BACH2: variants seen among roughly 807,000 people sequenced by gnomAD.
BACH2 encodes the protein transcription regulator protein BACH2.
In BACH2, 5 loss-of-function variants were observed where a neutral mutation model predicts 61.8. The observed-to-expected ratio is 0.08, with a 90% confidence interval of 0.04 to 0.17. The LOEUF is 0.17. Ranked by LOEUF, BACH2 falls within the 10% of genes least tolerant of loss-of-function variation. The pLI is 1.00. For missense variants in BACH2, 824 were observed against 1,091.1 expected (o/e 0.76, Z 3.45); for synonymous variants, 446 against 440.1 (o/e 1.01, Z -0.17).
intron 5 of BACH2, among the ~76,000 whole-genome samples, chr6:90,056,032 G>C (rs575977938): frequency 1.3e-5 from 2 of 152,282 alleles, no homozygotes; most frequent in East Asian, 3.9e-4. Context: ...AAATTGTAAA[G>C]ACCATCAAGG....
chr6:89,991,458 C>T (rs1302929691), intron 6 of BACH2, among the ~76,000 whole-genome samples: 1 of 152,132 alleles, frequency 6.6e-6, no homozygotes. Flanking sequence ...CAGTCCTGTT[C>T]ACGTAAGCGT....
In BACH2 at chr6:90,118,067, A is replaced by G. The variant is rs148592747; in HGVS notation, c.-161-28958T>C. Among the ~76,000 whole-genome samples the G allele has an allele frequency of 3.5e-3, 532 of 152,288 alleles. 1 individual carries two copies. The highest frequency in any genetic ancestry group is 0.012 in the African/African-American group (504 of 41,558). On this transcript the variant is annotated intron_variant, in intron 4 of 8. Transcript: ENST00000257749. The stretch of plus-strand genomic sequence containing the variant: ...ATAGTTTCATTTATGTGGCTATGTT[A>G]AAGACACTTAAGTCTAATAGAGAAT...
chr6:90,179,890 T>C (rs1302394495), intron 4 of BACH2, among the ~76,000 whole-genome samples: 2 of 152,104 alleles, frequency 1.3e-5, no homozygotes, highest in Non-Finnish European at 2.9e-5. Flanking sequence ...GTGTGGACAA[T>C]GGCCAAAAAA....
intron 5 of BACH2, among the ~76,000 whole-genome samples, chr6:90,038,761 G>C (rs953816471): frequency 2.0e-5 from 3 of 151,902 alleles, no homozygotes; most frequent in African/African-American, 7.3e-5. Flanking sequence ...CATATGGCCC[G>C]GGCATGGTGG....
intron 5 of BACH2, among the ~76,000 whole-genome samples, chr6:90,079,291 C>G (rs899442382): frequency 2.0e-5 from 3 of 152,176 alleles, no homozygotes; most frequent in African/African-American, 7.2e-5. Flanking sequence ...CTCCTCCAAC[C>G]AAACACACAA....
At chr6:90,099,031 CT>C (rs1554245507) in intron 4 of BACH2, among the ~76,000 whole-genome samples, 3 of 152,250 alleles carry the variant, frequency 2.0e-5, no homozygotes, top group Non-Finnish European at 4.4e-5. Flanking sequence ...CCTTGTGGAA[CT>C]TTTGTTTTAA....
intron 2 of BACH2, among the ~76,000 whole-genome samples, chr6:90,261,824 C>G (rs1771169245): frequency 6.6e-6 from 1 of 152,006 alleles, no homozygotes; most frequent in Non-Finnish European, 1.5e-5. Flanking sequence ...ATGTAGTCAC[C>G]CATGTAGTCT....
Position 90,235,483 on chromosome 6 carries a change from T to A in BACH2, c.-275+17030A>T, listed in dbSNP as rs1770229510. Among the ~76,000 whole-genome samples the A allele has an allele frequency of 2.0e-5, 3 of 152,160 alleles. No individual in the cohort carries two copies. In the South Asian group the frequency reaches 6.2e-4, roughly 32 times the overall value. On this transcript the variant is annotated intron_variant, in intron 3 of 8. Transcript: ENST00000257749. ...ACAAAGGTAGAACTGTTTTGATTAC[T>A]GTTAAGGATGTTGTAAAAGTCAGTG...
rs763268377 is a variant in BACH2 at position 90,008,654 on chromosome 6, T to C, written c.191A>G (p.Gln64Arg). ...ATTTTTTGTCTGTCCAACCAGCGCC[T>C]GCCAAAAATATTCACTGCATGCGGC... ...VLAACSEYFW[Q>R]ALVGQTKNDL... is the part of the protein sequence containing the mutation. Residue 64 changes from glutamine to arginine, a missense_variant, in exon 6 of 9, where the codon CAG becomes CGG. Around this residue, in one of 8 missense-constraint regions of BACH2, gnomAD observed 66 missense variants for 144.8 expected, o/e 0.46. Transcript: ENST00000257749. This position sits in a 1 kb window ranked among gnomAD's most constrained non-coding sequence, Gnocchi z 4.1. 1 of 1,614,198 alleles carries C rather than the reference T, an allele frequency of 6.2e-7. No homozygotes were observed. Among genetic ancestry groups the C allele is most frequent in the East Asian group, 2.2e-5 (1 of 44,888 alleles).
intron 4 of BACH2, among the ~76,000 whole-genome samples, chr6:90,112,161 T>C (rs141866410): frequency 1.3e-5 from 2 of 152,320 alleles, no homozygotes; most frequent in African/African-American, 4.8e-5. Context: ...CCCAAACTGG[T>C]CTCCCTGTTG....
intron 6 of BACH2, among the ~76,000 whole-genome samples, chr6:90,004,719 C>G (rs1777315227): frequency 6.6e-6 from 1 of 152,188 alleles, no homozygotes; most frequent in Non-Finnish European, 1.5e-5. Flanking sequence ...GCCTCCATGA[C>G]TATAGCTAAG....
intron 7 of BACH2, among the ~76,000 whole-genome samples, chr6:89,941,488 G>A (rs569476293): frequency 1.3e-5 from 2 of 152,344 alleles, no homozygotes; most frequent in South Asian, 2.1e-4. Context: ...GCCCTGCTCC[G>A]ACTGCTAAAG....
intron 3 of BACH2, chr6:90,218,246 T>C (rs917894043): frequency 6.6e-6 from 1 of 152,200 alleles, no homozygotes; most frequent in Non-Finnish European, 1.5e-5. Context: ...CTTTGTTTGG[T>C]GGGTGTTGCT....
chr6:90,264,888 C>T (rs903428603), intron 2 of BACH2, among the ~76,000 whole-genome samples: 1 of 152,112 alleles, frequency 6.6e-6, no homozygotes, highest in African/African-American at 2.4e-5. Flanking sequence ...AATGAATTTA[C>T]CAAATAAACA....
Position 90,261,546 on chromosome 6 carries a change from A to T in BACH2, c.-352-8956T>A, listed in dbSNP as rs1172239342. Reference sequence around the variant, plus strand: ...TGACACATCCTGGAACCCTTGCTTGACCCCTCTGAAGTATTCAACATTCTT... The same window carrying T: ...TGACACATCCTGGAACCCTTGCTTGTCCCCTCTGAAGTATTCAACATTCTT... On this transcript the variant is annotated intron_variant, in intron 2 of 8. Transcript: ENST00000257749. Among the ~76,000 whole-genome samples, 7 of 151,376 alleles carry T rather than the reference A, an allele frequency of 4.6e-5. No homozygotes were observed. In the East Asian group the frequency reaches 1.4e-3, roughly 29 times the overall value.
chr6:90,080,674 T>C lies in BACH2; in HGVS notation c.-13+8287A>G, dbSNP rs1781687383. ...AACAGCAAACATATGCAGGTAACAA[T>C]TAATATTTAAAAGTCTAGTTCAACA... is the stretch of plus-strand genomic sequence containing the variant. On this transcript the variant is annotated intron_variant, in intron 5 of 8. Transcript: ENST00000257749. 3.6e-6 allele frequency: 3 copies of C among 840,396 alleles called. No individual in the cohort carries two copies. In the African/African-American group the frequency reaches 5.6e-5, roughly 16 times the overall value. 52.1% of individuals were successfully genotyped at this position (840,396 alleles called of 1,614,324 possible).
chr6:90,050,220 C>T (rs557901515), intron 5 of BACH2, among the ~76,000 whole-genome samples: 1 of 152,236 alleles, frequency 6.6e-6, no homozygotes, highest in Non-Finnish European at 1.5e-5. Flanking sequence ...GATAAAGCAA[C>T]ATGTTCCAAT....
At chr6:90,060,288 G>A (rs748592506) in intron 5 of BACH2, among the ~76,000 whole-genome samples, 1 of 151,956 alleles carries the variant, frequency 6.6e-6, no homozygotes, top group Non-Finnish European at 1.5e-5. Flanking sequence ...ATAGGCTTTA[G>A]TTAGGCTTGC....
chr6:90,091,716 T>C (rs925507503), intron 4 of BACH2, among the ~76,000 whole-genome samples: 3 of 152,140 alleles, frequency 2.0e-5, no homozygotes, highest in Admixed American at 6.6e-5. Flanking sequence ...TACTATAAGA[T>C]GGTTATGGTT....
Sources: allele counts gnomAD v4.1 joint callset (sites outside exome capture counted in the v4.1 genomes callset), GRCh38; gene constraint gnomAD v4.1.1; regional missense constraint gnomAD v4.1.1; non-coding constraint Gnocchi (gnomAD v3.1); transcripts MANE v1.5; gene names NCBI Gene and HGNC (gene_info 2026-07-23, HGNC 2026-07-21).